Variants in TSPAN15 observed in about 807,000 individuals in gnomAD.
TSPAN15 encodes tetraspanin-15.
A neutral mutation model predicts 34.5 loss-of-function variants in TSPAN15; 20 were observed. The ratio of observed to expected loss-of-function variants is 0.58; its 90% CI spans 0.41 to 0.84. The LOEUF is 0.84. TSPAN15 is among the 40% of genes least tolerant of loss of function. The pLI is 0.00. For synonymous variants in TSPAN15, 155 were observed against 153.9 expected, an observed-to-expected ratio of 1.01 and a Z score of -0.05; for missense variants, 313 against 386.1, an observed-to-expected ratio of 0.81 and a Z score of 1.59.
chr10:69,544,843 A>G, the TSPAN15 span, among the ~76,000 whole-genome samples: 1 of 152,138 alleles, frequency 6.6e-6, no homozygotes, highest in Admixed American at 6.5e-5. Flanking sequence ...TACAGACCCC[A>G]TCTAGGAGGA....
intron 3 of TSPAN15, among the ~76,000 whole-genome samples, chr10:69,486,913 C>T (rs561719632): frequency 1.3e-4 from 20 of 152,256 alleles, no homozygotes; most frequent in Non-Finnish European, 2.9e-4. Context: ...TCTACCTGCC[C>T]CTCCCTTTGC....
the TSPAN15 span, among the ~76,000 whole-genome samples, chr10:69,542,260 A>G: frequency 1.3e-5 from 2 of 152,168 alleles, no homozygotes; most frequent in Non-Finnish European, 2.9e-5. Flanking sequence ...AGACCACCTC[A>G]GCCTGGACTT....
chr10:69,483,174 G>A (rs1330447914), intron 1 of TSPAN15, among the ~76,000 whole-genome samples: 2 of 152,074 alleles, frequency 1.3e-5, no homozygotes, highest in Non-Finnish European at 2.9e-5. Flanking sequence ...ATTTTTAGTA[G>A]AGACAGGGTT....
At chr10:69,539,439 AAGGAAGAAG>A in the TSPAN15 span, among the ~76,000 whole-genome samples, 5 of 112,792 alleles carry the variant, frequency 4.4e-5, no homozygotes, top group East Asian at 5.8e-4. Context: ...GAAGAAGAAG[AAGGAAGAAG>A]AAGAAGAAGA....
intron 1 of TSPAN15, among the ~76,000 whole-genome samples, chr10:69,464,355 G>C (rs1841335777): frequency 6.6e-6 from 1 of 152,156 alleles, no homozygotes; most frequent in Non-Finnish European, 1.5e-5. Flanking sequence ...TCTGTGGGTT[G>C]TGCTGAAAAC....
At chr10:69,539,431 A>G in the TSPAN15 span, among the ~76,000 whole-genome samples, 18 of 136,524 alleles carry the variant, frequency 1.3e-4, no homozygotes, top group East Asian at 4.2e-4. Flanking sequence ...AGAAGAAAGA[A>G]GAAGAAGAAG....
In TSPAN15 at chr10:69,496,162, T is replaced by C. The variant is rs77707650; in HGVS notation, c.453+473T>C. Among the ~76,000 whole-genome samples the C allele has an allele frequency of 5.9e-5, 9 of 152,100 alleles. No individual in the cohort carries two copies. In the East Asian group the frequency reaches 1.5e-3, roughly 26 times the overall value. On this transcript the variant is annotated intron_variant, in intron 4 of 7. Transcript: ENST00000373290. ...CTTGTCAAGTTAAAGACATCCCTGATTGGGAGAAAGTTCTTCACTAATTTC... is the reference window on the plus strand; with the variant it reads ...CTTGTCAAGTTAAAGACATCCCTGACTGGGAGAAAGTTCTTCACTAATTTC...
At chr10:69,527,323 C>T in the TSPAN15 span, among the ~76,000 whole-genome samples, 2 of 147,596 alleles carry the variant, frequency 1.4e-5, no homozygotes, top group African/African-American at 2.5e-5. Context: ...TGGCCGGGCA[C>T]AGTGGCTCAT....
intron 1 of TSPAN15, among the ~76,000 whole-genome samples, chr10:69,469,981 G>A (rs1183389197): frequency 6.6e-6 from 1 of 152,228 alleles, no homozygotes; most frequent in Non-Finnish European, 1.5e-5. Context: ...GTATTGGAAA[G>A]CACCTCATTC....
Position 69,506,058 on chromosome 10 carries a change from A to T in TSPAN15, c.619-66A>T, listed in dbSNP as rs1185096938. The T allele has an allele frequency of 2.2e-6, 3 of 1,363,866 alleles. No homozygotes were observed. The highest frequency in any genetic ancestry group is 3.1e-6 in the Non-Finnish European group (3 of 961,190). The allele number at this position is 1,363,866 out of a possible 1,614,324, so 84.5% of individuals were successfully genotyped here. On this transcript the variant is annotated intron_variant, in intron 6 of 7. Transcript: ENST00000373290. This position sits in a 1 kb window ranked among gnomAD's most constrained non-coding sequence, Gnocchi z 4.7. ...AGCCTGGACCTTGTGTACATGGCAGAGTCGGGGCTGTGGCTCCTGCCAGCC... is the reference window on the plus strand; with the variant it reads ...AGCCTGGACCTTGTGTACATGGCAGTGTCGGGGCTGTGGCTCCTGCCAGCC...
chr10:69,544,557 C>G, the TSPAN15 span, among the ~76,000 whole-genome samples: 3 of 152,232 alleles, frequency 2.0e-5, no homozygotes, highest in Middle Eastern at 3.2e-3. Context: ...ACACCTGCCC[C>G]CAGGGTAGTG....
At chr10:69,513,404 T>G in the TSPAN15 span, among the ~76,000 whole-genome samples, 1 of 152,210 alleles carries the variant, frequency 6.6e-6, no homozygotes, top group Non-Finnish European at 1.5e-5. Context: ...AGATTGGGTC[T>G]CACACCATTG....
chr10:69,503,799 C>T (rs949694876), intron 5 of TSPAN15, among the ~76,000 whole-genome samples: 4 of 152,234 alleles, frequency 2.6e-5, no homozygotes, highest in Admixed American at 1.3e-4. Context: ...GTGCCCGCGG[C>T]AGCCTGTGAG....
At chr10:69,502,165 C>T (rs1286701272) in intron 5 of TSPAN15, among the ~76,000 whole-genome samples, 2 of 152,172 alleles carry the variant, frequency 1.3e-5, no homozygotes, top group African/African-American at 4.8e-5. Flanking sequence ...GGAAAGTAAC[C>T]TTTTCCCTAA....
intron 1 of TSPAN15, among the ~76,000 whole-genome samples, chr10:69,460,962 A>G (rs1045183071): frequency 3.9e-5 from 6 of 152,172 alleles, no homozygotes; most frequent in African/African-American, 1.4e-4. Context: ...AGTCATGGAC[A>G]ACTCTCTGTG....
intron 1 of TSPAN15, among the ~76,000 whole-genome samples, chr10:69,456,874 C>A (rs952399082): frequency 6.6e-6 from 1 of 152,192 alleles, no homozygotes; most frequent in Non-Finnish European, 1.5e-5. Flanking sequence ...CTCTTGTTTT[C>A]GGCAGGGAAC....
intron 1 of TSPAN15, among the ~76,000 whole-genome samples, chr10:69,483,190 G>A (rs997749724): frequency 4.6e-5 from 7 of 152,040 alleles, no homozygotes; most frequent in Admixed American, 6.6e-5. Flanking sequence ...GGGTTTCACA[G>A]TGTTAGCCAT....
intron 1 of TSPAN15, among the ~76,000 whole-genome samples, chr10:69,456,578 G>T (rs1378982050): frequency 6.6e-6 from 1 of 152,126 alleles, no homozygotes; most frequent in Non-Finnish European, 1.5e-5. Context: ...GCAGGTAAAG[G>T]TTTAAAATAA....
the TSPAN15 span, among the ~76,000 whole-genome samples, chr10:69,546,209 C>T: frequency 1.3e-5 from 2 of 152,140 alleles, no homozygotes; most frequent in African/African-American, 4.8e-5. Context: ...TCCTAGGGGC[C>T]CACCCAGGGC....
Sources: gnomAD v4.1 joint callset for allele counts (sites outside exome capture counted in the v4.1 genomes callset) on GRCh38, gnomAD v4.1.1 for gene constraint, Gnocchi (gnomAD v3.1) non-coding constraint, MANE v1.5 for transcripts, NCBI Gene and HGNC (gene_info 2026-07-23, HGNC 2026-07-21) for gene names.